Variants in NELL2 observed in about 807,000 individuals in gnomAD.
NELL2 encodes neural EGFL like 2.
In NELL2, 41 loss-of-function variants were observed where a neutral mutation model predicts 109.6. That is an observed-to-expected ratio of 0.37 (90% CI 0.29 to 0.49). NELL2 has a LOEUF of 0.49. NELL2 is among the 20% of genes least tolerant of loss of function. The pLI is 0.98. For synonymous variants in NELL2, 355 were observed against 344.7 expected (o/e 1.03, Z -0.33); for missense variants, 900 against 1,008.3 (o/e 0.89, Z 1.45).
intron 10 of NELL2, among the ~76,000 whole-genome samples, chr12:44,713,257 GAA>G: frequency 6.6e-6 from 1 of 151,074 alleles, no homozygotes; most frequent in South Asian, 2.1e-4. Context: ...GAGAGAGAGA[GAA>G]AGAGAAGTAG....
At chr12:44,873,248 T>C (rs79946520) in intron 2 of NELL2, among the ~76,000 whole-genome samples, 95 of 152,326 alleles carry the variant, frequency 6.2e-4, no homozygotes, top group Non-Finnish European at 6.0e-4. Flanking sequence ...TCTGTCTAAA[T>C]ATTGAGCTCG....
chr12:44,730,417 G>A (rs1939308083), intron 9 of NELL2, among the ~76,000 whole-genome samples: 1 of 152,060 alleles, frequency 6.6e-6, no homozygotes, highest in African/African-American at 2.4e-5. Flanking sequence ...AATTTAAGAA[G>A]ATGAAATCAT....
chr12:44,898,797 A>C (rs1945625021), intron 1 of NELL2, among the ~76,000 whole-genome samples: 1 of 152,104 alleles, frequency 6.6e-6, no homozygotes, highest in African/African-American at 2.4e-5. Flanking sequence ...GGTGGGTAAT[A>C]ACAAACTACT....
chr12:44,684,823 G>C (rs1948658562), intron 12 of NELL2, among the ~76,000 whole-genome samples: 4 of 152,192 alleles, frequency 2.6e-5, no homozygotes, highest in Admixed American at 2.6e-4. Flanking sequence ...TTGCTGAGGA[G>C]TGCTTTACTT....
At chr12:44,519,937 A>G in intron 19 of NELL2, 68 bp downstream of exon 19, 1 of 1,350,152 alleles carries the variant, frequency 7.4e-7, no homozygotes, top group Non-Finnish European at 1.1e-6. Context: ...CAGGTAGAGC[A>G]CATTATTATC....
At chr12:44,527,963 G>A (rs933439600) in intron 16 of NELL2, among the ~76,000 whole-genome samples, 107 of 151,316 alleles carry the variant, frequency 7.1e-4, no homozygotes, top group Non-Finnish European at 1.3e-3. Flanking sequence ...GCGTGGTGGC[G>A]GGCGCCTGTA....
chr12:44,635,132 TG>T (rs548358589), intron 13 of NELL2, among the ~76,000 whole-genome samples: 199 of 152,286 alleles, frequency 1.3e-3, no homozygotes, highest in African/African-American at 4.6e-3. Flanking sequence ...TGGGGTTGTT[TG>T]TTTTTTTCTT....
intron 2 of NELL2, among the ~76,000 whole-genome samples, chr12:44,828,750 A>G (rs1439454063): frequency 6.6e-6 from 1 of 152,172 alleles, no homozygotes; most frequent in African/African-American, 2.4e-5. Flanking sequence ...TAATGTCTCT[A>G]TGATTTGGAA....
chr12:44,577,537 C>A (rs1944149383), intron 15 of NELL2, among the ~76,000 whole-genome samples: 1 of 137,166 alleles, frequency 7.3e-6, no homozygotes, highest in Non-Finnish European at 1.5e-5. Context: ...TGCAGTGGCA[C>A]GATGATCTCG....
intron 18 of NELL2, among the ~76,000 whole-genome samples, chr12:44,520,542 GGAGA>G (rs1941480134): frequency 1.3e-5 from 2 of 152,184 alleles, no homozygotes; most frequent in South Asian, 4.1e-4. Flanking sequence ...CCATGACAAA[GGAGA>G]GAGGTTTCAA....
At chr12:44,796,018 C>T (rs1942608743) in intron 3 of NELL2, among the ~76,000 whole-genome samples, 1 of 152,126 alleles carries the variant, frequency 6.6e-6, no homozygotes, top group Non-Finnish European at 1.5e-5. Flanking sequence ...CCTGTCCCCA[C>T]AGTTTACTAA....
At chr12:44,704,472 A>G (rs768174471) in intron 11 of NELL2, among the ~76,000 whole-genome samples, 10 of 152,222 alleles carry the variant, frequency 6.6e-5, no homozygotes, top group Non-Finnish European at 1.0e-4. Context: ...CAGAGTCTTT[A>G]TAAGAGAAAA....
Position 44,694,694 on chromosome 12 carries a change from C to T in NELL2, c.1318+9032G>A, listed in dbSNP as rs142758674. 4.0e-5 allele frequency among the ~76,000 whole-genome samples: 6 copies of T among 151,740 alleles called. No individual in the cohort carries two copies. The East Asian group carries it at 5.8e-4, about 15-fold the overall frequency. On this transcript the variant is annotated intron_variant, in intron 12 of 19. Transcript: ENST00000429094. Reference sequence around the variant, plus strand: ...AGTTTTGAAAGTGACAGTGTCTGCTCGAGTTCCCTAATTAATCCCATAGAG... The same window carrying T: ...AGTTTTGAAAGTGACAGTGTCTGCTTGAGTTCCCTAATTAATCCCATAGAG...
At chr12:44,591,996 C>T (rs1944770097) in intron 15 of NELL2, among the ~76,000 whole-genome samples, 1 of 152,078 alleles carries the variant, frequency 6.6e-6, no homozygotes. Context: ...GAGAGCAAGG[C>T]AAGGATACTT....
chr12:44,854,046 C>A, intron 2 of NELL2, among the ~76,000 whole-genome samples: 1 of 152,158 alleles, frequency 6.6e-6, no homozygotes, highest in East Asian at 1.9e-4. Context: ...GTAAAGATAT[C>A]CAGCTACTAA....
At chr12:44,710,335 T>C (rs1938127633) in intron 11 of NELL2, among the ~76,000 whole-genome samples, 1 of 152,174 alleles carries the variant, frequency 6.6e-6, no homozygotes, top group Non-Finnish European at 1.5e-5. Context: ...TAGTAGCTTA[T>C]TTGGGGCAGT....
chr12:44,642,519 A>C (rs1300796607), intron 13 of NELL2, among the ~76,000 whole-genome samples: 1 of 152,218 alleles, frequency 6.6e-6, no homozygotes, highest in Non-Finnish European at 1.5e-5. Flanking sequence ...TTAGTTACCC[A>C]AAAACATAAG....
At chr12:44,813,684 A>T (rs1943248951) in intron 3 of NELL2, among the ~76,000 whole-genome samples, 1 of 152,222 alleles carries the variant, frequency 6.6e-6, no homozygotes, top group East Asian at 1.9e-4. Context: ...TTAAAATACG[A>T]CAGAACTTCA....
intron 3 of NELL2, among the ~76,000 whole-genome samples, chr12:44,803,340 G>C (rs1465290139): frequency 6.6e-6 from 1 of 152,024 alleles, no homozygotes; most frequent in Non-Finnish European, 1.5e-5. Flanking sequence ...GGGGTCTGTA[G>C]ATTAGATAAT....
Sources: allele counts gnomAD v4.1 joint callset (sites outside exome capture counted in the v4.1 genomes callset), GRCh38; gene constraint gnomAD v4.1.1; transcripts MANE v1.5; gene names NCBI Gene and HGNC (gene_info 2026-07-23, HGNC 2026-07-21).